SHROOM2: variants seen among roughly 807,000 people sequenced by gnomAD.
The protein encoded by SHROOM2 is shroom family member 2, also known as protein Shroom2.
A neutral mutation model predicts 75.9 loss-of-function variants in SHROOM2; 33 were observed. That is an observed-to-expected ratio of 0.43 (90% CI 0.33 to 0.58). The LOEUF (loss-of-function observed/expected upper bound fraction) is 0.58. Among genes scored for constraint, SHROOM2 ranks in the 20% least tolerant of loss-of-function variants. The pLI, the probability that SHROOM2 is intolerant of heterozygous loss-of-function variation, is 0.04. For missense variants in SHROOM2, 1,434 were observed against 1,461.2 expected (o/e 0.98, Z 0.30); for synonymous variants, 655 against 663.6 (o/e 0.99, Z 0.20).
chrX:9,828,284 A>T (rs770364592), intron 1 of SHROOM2, among the ~76,000 whole-genome samples: 32 of 112,023 alleles, frequency 2.9e-4, no homozygotes, highest in Non-Finnish European at 4.7e-4. Context: ...CCCTTGACAC[A>T]TGGGGATTAT....
At chrX:9,940,462 C>T (rs1161137052) in intron 8 of SHROOM2, among the ~76,000 whole-genome samples, 3 of 112,072 alleles carry the variant, frequency 2.7e-5, no homozygotes, top group Non-Finnish European at 5.6e-5. Flanking sequence ...AGCCGCCTCA[C>T]CAGAAGTGTG....
chrX:9,927,109 G>A (rs2084601737), intron 5 of SHROOM2, among the ~76,000 whole-genome samples: 1 of 110,538 alleles, frequency 9.0e-6, no homozygotes, highest in African/African-American at 3.3e-5. Flanking sequence ...AGCACTTTGG[G>A]AGGCCAAGGC....
chrX:9,790,163 C>T (rs1358382920), intron 1 of SHROOM2, among the ~76,000 whole-genome samples: 1 of 112,021 alleles, frequency 8.9e-6, no homozygotes. Context: ...TTGCAGAGGG[C>T]ACAGGGCTGA....
At chrX:9,809,754 T>C (rs1160541828) in intron 1 of SHROOM2, among the ~76,000 whole-genome samples, 6 of 112,654 alleles carry the variant, frequency 5.3e-5, no homozygotes, top group Non-Finnish European at 1.1e-4. Context: ...CTGCAACCTC[T>C]GCCTCCTGGG....
chrX:9,811,382 G>A (rs2083790744), intron 1 of SHROOM2, among the ~76,000 whole-genome samples: 2 of 112,015 alleles, frequency 1.8e-5, no homozygotes, highest in Non-Finnish European at 1.9e-5. Context: ...AGGCTGAGTG[G>A]TGTCCACAGA....
chrX:9,807,819 C>T (rs1465364042), intron 1 of SHROOM2, among the ~76,000 whole-genome samples: 1 of 112,098 alleles, frequency 8.9e-6, no homozygotes, highest in Non-Finnish European at 1.9e-5. Context: ...AGTGTCCTTT[C>T]CTGCCCGCCC....
chrX:9,884,509 CT>C (rs200407160), intron 2 of SHROOM2, among the ~76,000 whole-genome samples: 3 of 102,931 alleles, frequency 2.9e-5, no homozygotes. Flanking sequence ...TCTGTTCTTT[CT>C]TTTTTTTTAG....
chrX:9,895,553 G>C lies in SHROOM2; in HGVS notation c.1645G>C (p.Ala549Pro). 2 of 1,178,959 alleles carry C rather than the reference G, an allele frequency of 1.7e-6. No individual in the cohort carries two copies. The highest frequency in any genetic ancestry group is 2.3e-6 in the Non-Finnish European group (2 of 880,718). Residue 549 changes from alanine (A) to proline (P), a missense_variant, in exon 4 of 10, where the codon GCC becomes CCC. Coordinates refer to ENST00000380913, the MANE Select transcript of SHROOM2 (RefSeq NM_001649.4). ...AGGGGCCGAGGGCTGCTCCGCGGGA[G>C]CCCAGGAGCCTCCCAGGGCCAGCCG... ...DKGAEGCSAG[A>P]QEPPRASRAE...
At chrX:9,810,898 A>G (rs1043941118) in intron 1 of SHROOM2, among the ~76,000 whole-genome samples, 2 of 111,634 alleles carry the variant, frequency 1.8e-5, no homozygotes, top group Non-Finnish European at 3.8e-5. Flanking sequence ...GAAGGGGAAC[A>G]TGGTAAGACC....
rs1312875435 is a variant in SHROOM2, at chrX:9,949,119, CCT to C, written c.*2183_*2184del. On this transcript the variant is annotated 3_prime_UTR_variant, in exon 10 of 10. Transcript: ENST00000380913. ...TAGAGCCAGCTGTCCTGTCAGTTCCCCTGTTTGCCTCTGAAACGTCTGGTTAG... is the reference window on the plus strand; with the variant it reads ...TAGAGCCAGCTGTCCTGTCAGTTCCCGTTTGCCTCTGAAACGTCTGGTTAG... 4 of 228,744 alleles carry C rather than the reference CCT, an allele frequency of 1.7e-5. No individual in the cohort carries two copies. Among genetic ancestry groups the C allele is most frequent in the Admixed American group, 5.5e-5 (1 of 18,114 alleles). 18.9% of individuals were successfully genotyped at this position (228,744 alleles called of 1,213,427 possible).
In SHROOM2 at chrX:9,896,252, C is replaced by CA. The variant is rs2084330082; in HGVS notation, c.2345dup (p.His783AlafsTer6). On this transcript the variant is annotated frameshift_variant, in exon 4 of 10. Transcript: ENST00000380913. LOFTEE classifies it high-confidence loss of function. ...CCTCACGAGGGGCTACAGTCCTCAC[C>CA]AGCACCCCAGGACATCTGAGGATAC... The CA allele has an allele frequency of 8.3e-7, 1 of 1,211,025 alleles. No homozygotes were observed. The highest frequency in any genetic ancestry group is 1.7e-5 in the African/African-American group (1 of 57,589).
At chrX:9,820,173 A>ATTTTTTTT in intron 1 of SHROOM2, among the ~76,000 whole-genome samples, 1 of 88,586 alleles carries the variant, frequency 1.1e-5, no homozygotes, top group Non-Finnish European at 2.2e-5. Flanking sequence ...TTATTGCAGT[A>ATTTTTTTT]TTTTTTTTTT....
intron 6 of SHROOM2, among the ~76,000 whole-genome samples, chrX:9,935,236 G>GC (rs1239460778): frequency 5.4e-5 from 6 of 111,321 alleles, no homozygotes; most frequent in Non-Finnish European, 7.5e-5. Context: ...AGCCGGGGGG[G>GC]CGGGGGTGAA....
intron 5 of SHROOM2, among the ~76,000 whole-genome samples, chrX:9,905,827 C>G (rs569233108): frequency 8.9e-6 from 1 of 111,907 alleles, no homozygotes; most frequent in African/African-American, 3.3e-5. Flanking sequence ...CAGGACTCCC[C>G]TGTAAATGAT....
At chrX:9,844,277 C>G in intron 1 of SHROOM2, among the ~76,000 whole-genome samples, 1 of 111,263 alleles carries the variant, frequency 9.0e-6, no homozygotes, top group Non-Finnish European at 1.9e-5. Context: ...ATTGAGAGGC[C>G]AAAGCTGGAG....
chrX:9,911,115 A>G (rs1370662100), intron 5 of SHROOM2, among the ~76,000 whole-genome samples: 1 of 111,648 alleles, frequency 9.0e-6, no homozygotes, highest in African/African-American at 3.3e-5. Context: ...AGTAACATGT[A>G]CTTGGTAAAG....
At chrX:9,937,045 C>A in intron 6 of SHROOM2, 89 bp from the exon 7 acceptor site, 1 of 951,308 alleles carries the variant, frequency 1.1e-6, no homozygotes, top group South Asian at 2.4e-5. Context: ...GAGTCAGGTT[C>A]CCATCCAGAG....
intron 1 of SHROOM2, among the ~76,000 whole-genome samples, chrX:9,846,575 A>G (rs923672852): frequency 8.9e-6 from 1 of 112,315 alleles, no homozygotes; most frequent in Admixed American, 9.4e-5. Context: ...GATTACAGGC[A>G]TGAGCCATCA....
intron 1 of SHROOM2, among the ~76,000 whole-genome samples, chrX:9,792,014 T>A (rs748880596): frequency 0.44 from 104 of 236 alleles, 8 homozygotes; most frequent in African/African-American, 0.56. Flanking sequence ...TAGAATAGAA[T>A]AGAATAGAAT....
Sources: allele counts gnomAD v4.1 joint callset (sites outside exome capture counted in the v4.1 genomes callset), GRCh38; gene constraint gnomAD v4.1.1; transcripts MANE v1.5; gene names NCBI Gene and HGNC (gene_info 2026-07-23, HGNC 2026-07-21).